LSM5: variants seen among roughly 807,000 people sequenced by gnomAD.
LSM5 encodes the protein U6 snRNA-associated Sm-like protein LSm5.
LSM5 carries 8 observed loss-of-function variants against 13.8 expected under a neutral mutation model. That is an observed-to-expected ratio of 0.58 (90% confidence interval 0.34 to 1.04). The LOEUF (loss-of-function observed/expected upper bound fraction) is 1.04. LSM5 is among the 50% of genes least tolerant of loss of function. The probability of loss-of-function intolerance (pLI) is 0.03; values close to 1 mark genes in which losing one functional copy is unlikely to be tolerated. For synonymous variants in LSM5, 35 were observed against 37.0 expected (o/e 0.95, Z 0.20); for missense variants, 80 against 108.1 (o/e 0.74, Z 1.15).
At chr7:32,492,844 A>G (rs1032842235), upstream of LSM5, among the ~76,000 whole-genome samples, 4 of 152,260 alleles carry the variant, frequency 2.6e-5, no homozygotes, top group African/African-American at 9.6e-5. Flanking sequence ...ATCATAAAAT[A>G]CATGTAACTA....
At chr7:32,489,000 T>C (rs1349753130) in intron 2 of LSM5, among the ~76,000 whole-genome samples, 11 of 152,212 alleles carry the variant, frequency 7.2e-5, no homozygotes, top group African/African-American at 2.2e-4. Context: ...GCTGGGATTA[T>C]AGGCGTGAGC....
chr7:32,487,986 G>A lies in LSM5; in HGVS notation c.171-229C>T, dbSNP rs530739116. On this transcript the variant is annotated intron_variant, in intron 3 of 4. Coordinates refer to ENST00000450169, the MANE Select transcript of LSM5 (RefSeq NM_012322.3). ...CTAAGACCCACGTCTATCAGACAGA[G>A]CTTCATAAAAAGAAGTGAAAGCTTG... The A allele has an allele frequency of 6.8e-6, 3 of 438,720 alleles. No homozygotes were observed. The East Asian group carries it at 1.3e-4, about 18-fold the overall frequency. 27.2% of individuals were successfully genotyped at this position (438,720 alleles called of 1,614,324 possible).
At chr7:32,490,071 C>A in intron 1 of LSM5, 1 of 1,478,558 alleles carries the variant, frequency 6.8e-7, no homozygotes, top group South Asian at 1.2e-5. Flanking sequence ...GCCGACGACG[C>A]GTTCACTAAA....
upstream of LSM5, among the ~76,000 whole-genome samples, chr7:32,493,143 T>C (rs1786629233): frequency 6.6e-6 from 1 of 152,138 alleles, no homozygotes; most frequent in Admixed American, 6.6e-5. Flanking sequence ...TCATATTTTA[T>C]TTATTAATTT....
At chr7:32,488,746 C>CTTTGTCTCA in intron 2 of LSM5, 94 bp from the exon 3 acceptor site, 1 of 870,250 alleles carries the variant, frequency 1.1e-6, no homozygotes, top group Non-Finnish European at 1.9e-6. Flanking sequence ...TGTTTTGAGA[C>CTTTGTCTCA]AAAGTCTCGC....
chr7:32,491,843 G>A (rs761458372), upstream of LSM5, among the ~76,000 whole-genome samples: 2 of 152,178 alleles, frequency 1.3e-5, no homozygotes, highest in Non-Finnish European at 2.9e-5. Flanking sequence ...AGCATTGCTA[G>A]CTGGTTTTGC....
intron 1 of LSM5, 97 bp downstream of exon 1, chr7:32,490,223 T>A: frequency 6.2e-7 from 1 of 1,608,108 alleles, no homozygotes; most frequent in East Asian, 2.3e-5. Flanking sequence ...CTTATACATT[T>A]CCCCACACTC....
chr7:32,495,153 AAAAAGAGAAGGC>A (rs1366890517), upstream of LSM5: 1 of 152,528 alleles, frequency 6.6e-6, no homozygotes, highest in Non-Finnish European at 1.5e-5. Context: ...AACTTTGAGG[AAAAAGAGAAGGC>A]AAAAGAGAAG....
intron 3 of LSM5, chr7:32,488,390 CTTTT>C (rs1378460304): frequency 4.7e-6 from 2 of 427,348 alleles, no homozygotes; most frequent in Non-Finnish European, 8.3e-6. Context: ...ATTCCTGGCT[CTTTT>C]TGTTATCTTC....
intron 1 of LSM5, chr7:32,489,935 G>C: frequency 1.2e-6 from 1 of 825,810 alleles, no homozygotes; most frequent in Non-Finnish European, 1.6e-6. Context: ...TTCCGGACCA[G>C]GGTGTTAGTG....
intron 1 of LSM5, chr7:32,489,947 C>T: frequency 2.0e-6 from 2 of 1,024,032 alleles, no homozygotes; most frequent in Non-Finnish European, 2.6e-6. Context: ...GTGTTAGTGT[C>T]ACTAACCAAC....
In LSM5 at chr7:32,489,193, T is replaced by C. The variant is rs532142519; in HGVS notation, c.142+56A>G. On this transcript the variant is annotated intron_variant, in intron 2 of 4. Coordinates refer to ENST00000450169, the MANE Select transcript of LSM5 (RefSeq NM_012322.3). ...TCACAAATATACTGATTGTCTATAG[T>C]TCTTATGTTATTACTTAAGAAAAAC... is the stretch of plus-strand genomic sequence containing the variant. 1.7e-4 allele frequency: 144 copies of C among 829,956 alleles called. No homozygotes were observed. The East Asian group carries it at 3.3e-3, about 19-fold the overall frequency. 51.4% of individuals were successfully genotyped at this position (829,956 alleles called of 1,614,324 possible).
At position 32,487,231 on chromosome 7, in the gene LSM5, C is replaced by T; in HGVS notation, c.*30G>A. 1 of 1,607,306 alleles carries T rather than the reference C, an allele frequency of 6.2e-7. No individual in the cohort carries two copies. On this transcript the variant is annotated 3_prime_UTR_variant, in exon 5 of 5. Transcript: ENST00000450169. ...ATTTTCTTGTCATTATAAGCCAAAA[C>T]AAAATCTAGTGTAAGTCAAGGAAAC...
At chr7:32,490,515 T>C (rs1256206210), upstream of LSM5, 6 of 648,568 alleles carry the variant, frequency 9.3e-6, no homozygotes, top group Admixed American at 2.6e-5. Context: ...CTGGCTTTTT[T>C]CCCCGGCAAG....
At chr7:32,491,133 C>T (rs1165402267), upstream of LSM5, among the ~76,000 whole-genome samples, 2 of 152,124 alleles carry the variant, frequency 1.3e-5, no homozygotes, top group African/African-American at 2.4e-5. Flanking sequence ...GCAGTGGTAA[C>T]GACTGTAATC....
At chr7:32,488,439 C>G in intron 3 of LSM5, 186 bp downstream of exon 3, 1 of 522,584 alleles carries the variant, frequency 1.9e-6, no homozygotes, top group African/African-American at 2.0e-5. Flanking sequence ...ATATTCTAGG[C>G]GTTTACTAAT....
upstream of LSM5, among the ~76,000 whole-genome samples, chr7:32,492,373 A>C (rs1405563144): frequency 6.6e-6 from 1 of 152,176 alleles, no homozygotes; most frequent in East Asian, 1.9e-4. Flanking sequence ...GAATACAAAA[A>C]TTAGCTAGGT....
Position 32,485,991 on chromosome 7 carries a change from C to T in LSM5, c.*1270G>A, listed in dbSNP as rs1210460456. ...AAGGAAAAGAAAACTTTAGACATGC[C>T]CGGTTTTCTTGTAAAAATGGCAAAG... On this transcript the variant is annotated 3_prime_UTR_variant, in exon 5 of 5. Transcript: ENST00000450169. 6.6e-6 allele frequency: 1 copy of T among 151,206 alleles called. No individual in the cohort carries two copies. The highest frequency in any genetic ancestry group is 6.6e-5 in the Admixed American group (1 of 15,138). 9.4% of individuals were successfully genotyped at this position (151,206 alleles called of 1,614,324 possible). A position where few individuals can be genotyped will look rare whatever the true frequency, so the allele number is the denominator to read the frequency against.
Position 32,487,191 on chromosome 7 carries a change from G to T in LSM5, c.*70C>A. 1 of 1,383,044 alleles carries T rather than the reference G, an allele frequency of 7.2e-7. No individual in the cohort carries two copies. The highest frequency in any genetic ancestry group is 1.0e-6 in the Non-Finnish European group (1 of 974,704). The allele number at this position is 1,383,044 out of a possible 1,614,324, so 85.7% of individuals were successfully genotyped here. Reference sequence around the variant, plus strand: ...TTATGGGATTTAAACATTAGAAAGTGGGAAAAAAAATTCCATTTTCTTGTC... The same window carrying T: ...TTATGGGATTTAAACATTAGAAAGTTGGAAAAAAAATTCCATTTTCTTGTC... On this transcript the variant is annotated 3_prime_UTR_variant, in exon 5 of 5. Transcript: ENST00000450169.
Sources: allele counts gnomAD v4.1 joint callset (sites outside exome capture counted in the v4.1 genomes callset), GRCh38; gene constraint gnomAD v4.1.1; transcripts MANE v1.5; gene names NCBI Gene and HGNC (gene_info 2026-07-23, HGNC 2026-07-21).